Variants in TMEM232 observed in about 807,000 individuals in gnomAD.
The protein encoded by TMEM232 is transmembrane protein 232.
TMEM232 carries 80 observed loss-of-function variants against 78.8 expected under a neutral mutation model. The ratio of observed to expected loss-of-function variants is 1.01; its 90% CI spans 0.85 to 1.22. The LOEUF (loss-of-function observed/expected upper bound fraction) is 1.22. Ranked by LOEUF, TMEM232 falls within the 50% of genes most tolerant of loss-of-function variation. TMEM232 has a pLI of 0.00. For synonymous variants in TMEM232, 297 were observed against 254.3 expected, an observed-to-expected ratio of 1.17 and a Z score of -1.60; for missense variants, 881 against 742.2, an observed-to-expected ratio of 1.19 and a Z score of -2.17.
intron 11 of TMEM232, among the ~76,000 whole-genome samples, chr5:110,553,218 C>G (rs1774673398): frequency 6.6e-6 from 1 of 151,976 alleles, no homozygotes; most frequent in Non-Finnish European, 1.5e-5. Context: ...TATTCTGGCT[C>G]TTTTATGGTT....
chr5:110,567,507 C>T (rs1429003450), intron 11 of TMEM232, among the ~76,000 whole-genome samples: 1 of 151,596 alleles, frequency 6.6e-6, no homozygotes, highest in Non-Finnish European at 1.5e-5. Context: ...TGTGTTATTA[C>T]CAAAATTATA....
intron 10 of TMEM232, among the ~76,000 whole-genome samples, chr5:110,569,228 C>A (rs573433788): frequency 3.3e-4 from 50 of 151,972 alleles, no homozygotes; most frequent in African/African-American, 1.1e-3. Context: ...TCTTCTAGAA[C>A]TTATATAGCA....
intron 12 of TMEM232, among the ~76,000 whole-genome samples, chr5:110,491,328 T>C (rs1765072526): frequency 6.6e-6 from 1 of 152,054 alleles, no homozygotes; most frequent in Admixed American, 6.6e-5. Flanking sequence ...TAACAACTTT[T>C]AACATGCATG....
At chr5:110,555,158 A>C (rs577117136) in intron 11 of TMEM232, among the ~76,000 whole-genome samples, 9 of 152,194 alleles carry the variant, frequency 5.9e-5, no homozygotes, top group Non-Finnish European at 1.3e-4. Flanking sequence ...TAGTGCTATA[A>C]ACTTTCCTGT....
At chr5:110,557,745 A>T (rs946173274) in intron 11 of TMEM232, among the ~76,000 whole-genome samples, 1 of 152,126 alleles carries the variant, frequency 6.6e-6, no homozygotes, top group African/African-American at 2.4e-5. Context: ...ATGGTGTTAA[A>T]CTATTAGAAA....
intron 12 of TMEM232, among the ~76,000 whole-genome samples, chr5:110,462,191 G>A (rs1001202307): frequency 6.6e-6 from 1 of 152,166 alleles, no homozygotes; most frequent in Non-Finnish European, 1.5e-5. Flanking sequence ...ATGATTTATG[G>A]GAGGAGGTCA....
chr5:110,661,206 T>C (rs1324400834), intron 2 of TMEM232, among the ~76,000 whole-genome samples: 1 of 152,234 alleles, frequency 6.6e-6, no homozygotes, highest in African/African-American at 2.4e-5. Flanking sequence ...TGTGTATATA[T>C]ATCACATTTT....
chr5:110,689,283 G>A (rs1793799299), intron 1 of TMEM232, among the ~76,000 whole-genome samples: 1 of 152,046 alleles, frequency 6.6e-6, no homozygotes, highest in South Asian at 2.1e-4. Flanking sequence ...TCTTGGAGTA[G>A]CCAATTTAAA....
intron 2 of TMEM232, among the ~76,000 whole-genome samples, chr5:110,732,373 A>T (rs1264446240): frequency 6.6e-6 from 1 of 152,200 alleles, no homozygotes; most frequent in Non-Finnish European, 1.5e-5. Flanking sequence ...TATTGGTACC[A>T]ACTCACTGTA....
chr5:110,638,213 T>C lies in TMEM232; in HGVS notation c.486A>G (p.Glu162=), dbSNP rs1421816806. The C allele has an allele frequency of 6.5e-7, 1 of 1,542,000 alleles. No individual in the cohort carries two copies. The highest frequency in any genetic ancestry group is 8.7e-7 in the Non-Finnish European group (1 of 1,143,648). ...CAAAACATACCTTTGCTAGCTTTAT[T>C]TCAACTGAATATAAATATGTTTTGA... ...ASLKTYLYSV[E]IKLAKIGYLV... The change falls in exon 5 of 14, where the codon GAA becomes GAG. Residue 162 remains glutamate, a synonymous_variant. Transcript: ENST00000455884.
intron 12 of TMEM232, among the ~76,000 whole-genome samples, chr5:110,449,899 T>TATCA (rs1760079427): frequency 6.6e-6 from 1 of 152,118 alleles, no homozygotes; most frequent in African/African-American, 2.4e-5. Context: ...TTTATTTATT[T>TATCA]ATCATGATTA....
At position 110,695,804 on chromosome 5, in the gene TMEM232, T is replaced by G. The variant is rs561807234; in HGVS notation, c.-12-28440A>C. ...ATAACAGGCTCTGAAATTGAGGCAA[T>G]AATTAATAGCTTACCAACCAAAAAA... On this transcript the variant is annotated intron_variant, in intron 1 of 13. Transcript: ENST00000455884. 3.0e-3 allele frequency among the ~76,000 whole-genome samples: 455 copies of G among 152,268 alleles called. 2 individuals are homozygous for G. The highest frequency in any genetic ancestry group is 6.8e-3 in the Middle Eastern group (2 of 294).
intron 7 of TMEM232, among the ~76,000 whole-genome samples, 175 bp from the exon 8 acceptor site, chr5:110,618,737 T>C (rs1783252933): frequency 6.6e-6 from 1 of 152,198 alleles, no homozygotes; most frequent in Admixed American, 6.5e-5. Flanking sequence ...TTGAAGTACA[T>C]ACAGTTAACC....
At chr5:110,387,585 G>A (rs1304345963) in intron 5 of TMEM232, among the ~76,000 whole-genome samples, 1 of 151,756 alleles carries the variant, frequency 6.6e-6, no homozygotes, top group Non-Finnish European at 1.5e-5. Flanking sequence ...CCAGTCAATG[G>A]TGATTTTATT....
intron 3 of TMEM232, among the ~76,000 whole-genome samples, chr5:110,392,798 C>T (rs747079617): frequency 3.3e-5 from 5 of 152,184 alleles, no homozygotes; most frequent in African/African-American, 4.8e-5. Flanking sequence ...TCAGTAACAA[C>T]AATTTAAACC....
chr5:110,667,225 T>C lies in TMEM232; in HGVS notation c.125+3A>G, dbSNP rs1790712381. On this transcript the variant is annotated splice_donor_region_variant and intron_variant, in intron 2 of 13. Coordinates refer to ENST00000455884, the MANE Select transcript of TMEM232 (RefSeq NM_001039763.4). ...TGGGTCCTATAATTATTTTCTAGCT[T>C]ACCTTGATTTATGACCCCTTTCTCC... 3.9e-6 allele frequency: 6 copies of C among 1,540,000 alleles called. No homozygotes were observed. Among genetic ancestry groups the C allele is most frequent in the Non-Finnish European group, 5.3e-6 (6 of 1,140,650 alleles).
At chr5:110,738,820 T>G, upstream of TMEM232, 1 of 528,722 alleles carries the variant, frequency 1.9e-6, no homozygotes. Flanking sequence ...CTTTCTGGAA[T>G]CTCTTTGGTA....
chr5:110,705,366 C>G (rs1319303664), intron 1 of TMEM232, among the ~76,000 whole-genome samples: 1 of 151,994 alleles, frequency 6.6e-6, no homozygotes, highest in African/African-American at 2.4e-5. Flanking sequence ...CAAGAAGAGT[C>G]AATACTTACC....
At chr5:110,391,808 C>T (rs186253244) in intron 3 of TMEM232, among the ~76,000 whole-genome samples, 3 of 152,296 alleles carry the variant, frequency 2.0e-5, no homozygotes, top group Non-Finnish European at 4.4e-5. Context: ...TAGTACTCCA[C>T]TTGTAAAAAC....
Sources: gnomAD v4.1 joint callset for allele counts (sites outside exome capture counted in the v4.1 genomes callset) on GRCh38, gnomAD v4.1.1 for gene constraint, MANE v1.5 for transcripts, NCBI Gene and HGNC (gene_info 2026-07-23, HGNC 2026-07-21) for gene names.